ZNF107: variants seen among roughly 807,000 people sequenced by gnomAD.
ZNF107 encodes zinc finger protein 107, also known as C2H2 type zinc-finger protein.
ZNF107 carries 19 observed loss-of-function variants against 12.3 expected under a neutral mutation model. That is an observed-to-expected ratio of 1.55 (90% CI 1.08 to 2.27). The LOEUF (loss-of-function observed/expected upper bound fraction) is 2.27, where lower values mean the gene tolerates loss of function less well. Ranked by LOEUF, ZNF107 falls within the 30% of genes most tolerant of loss-of-function variation. The pLI is 0.00. For synonymous variants in ZNF107, 317 were observed against 330.5 expected (o/e 0.96, Z 0.44); for missense variants, 958 against 979.9 (o/e 0.98, Z 0.30).
intron 1 of ZNF107, chr7:64,687,328 A>G (rs992564566): frequency 1.0e-6 from 1 of 985,314 alleles, no homozygotes; most frequent in African/African-American, 1.7e-5. Flanking sequence ...AGGCTTAAAC[A>G]CTGCACCCAT....
chr7:64,707,069 A>G lies in ZNF107; in HGVS notation c.972A>G (p.Leu324=). Residue 324 remains leucine, a synonymous_variant, in exon 4 of 4, where the codon CTA becomes CTG. Transcript: ENST00000620827. ...KCKECGKAFN[L]FSNLTNHKRI... ...AAGAATGTGGAAAAGCTTTTAACCT[A>G]TTCTCAAATCTTACTAACCATAAGA... The G allele has an allele frequency of 5.0e-6, 8 of 1,611,420 alleles. No individual in the cohort carries two copies. Among genetic ancestry groups the G allele is most frequent in the Non-Finnish European group, 6.8e-6 (8 of 1,179,194 alleles).
In ZNF107 at chr7:64,708,276, C is replaced by T; in HGVS notation, c.2179C>T (p.His727Tyr). The change falls in exon 4 of 4, where the codon CAT becomes TAT. Residue 727 changes from histidine (H) to tyrosine (Y), a missense_variant. Transcript: ENST00000620827. ...AACCCTTAATAGACATAAGATAATT[C>T]ATACTGGAGAGAAACCTTACAAATG... is the stretch of plus-strand genomic sequence containing the variant. Reference protein sequence around the residue: ...SSTLNRHKIIHTGEKPYKCKE... With the variant: ...SSTLNRHKIIYTGEKPYKCKE... 6.2e-7 allele frequency: 1 copy of T among 1,613,570 alleles called. No homozygotes were observed. The highest frequency in any genetic ancestry group is 8.5e-7 in the Non-Finnish European group (1 of 1,179,778).
At chr7:64,700,931 T>C (rs898438285) in intron 3 of ZNF107, among the ~76,000 whole-genome samples, 1 of 152,214 alleles carries the variant, frequency 6.6e-6, no homozygotes, top group African/African-American at 2.4e-5. Flanking sequence ...TTTGCTGTTA[T>C]TGATCTTTTA....
chr7:64,681,665 A>G (rs1160671244), intron 1 of ZNF107, among the ~76,000 whole-genome samples: 2 of 152,030 alleles, frequency 1.3e-5, no homozygotes, highest in East Asian at 1.9e-4. Flanking sequence ...CCAGTATCCT[A>G]TCCCTATGCC....
rs201702231 is a variant in ZNF107, at chr7:64,702,155, A to ATT, written c.227-4159_227-4158dup. On this transcript the variant is annotated intron_variant, in intron 3 of 3. Coordinates refer to ENST00000620827, the MANE Select transcript of ZNF107 (RefSeq NM_001282359.2). ...AACATCTTAAAGTTAAAACAGTTTT[A>ATT]TTTTTTTTTTTGAGACGGAGTCTTG... Among the ~76,000 whole-genome samples, 98 of 149,098 alleles carry ATT rather than the reference A, an allele frequency of 6.6e-4. No individual in the cohort carries two copies. The Middle Eastern group carries it at 0.017, about 26-fold the overall frequency.
At chr7:64,683,277 A>G (rs1789759242) in intron 1 of ZNF107, among the ~76,000 whole-genome samples, 1 of 152,116 alleles carries the variant, frequency 6.6e-6, no homozygotes, top group African/African-American at 2.4e-5. Flanking sequence ...TCCATTATCA[A>G]TGCCTTTCTC....
chr7:64,694,276 G>T (rs533271652), intron 3 of ZNF107, among the ~76,000 whole-genome samples: 5 of 152,360 alleles, frequency 3.3e-5, no homozygotes, highest in Admixed American at 1.3e-4. Context: ...GTGGCTGGGA[G>T]AAGTTTGAGG....
At position 64,698,027 on chromosome 7, in the gene ZNF107, C is replaced by T. The variant is rs182406454; in HGVS notation, c.226+6067C>T. 2.8e-4 allele frequency among the ~76,000 whole-genome samples: 43 copies of T among 152,206 alleles called. No individual in the cohort carries two copies. In the East Asian group the frequency reaches 5.4e-3, roughly 19 times the overall value. On this transcript the variant is annotated intron_variant, in intron 3 of 3. Coordinates refer to ENST00000620827, the MANE Select transcript of ZNF107 (RefSeq NM_001282359.2). ...CAATGGCTGCATTCTTGTTTTTCAC[C>T]AGAAGTCAATATGGGTTTCATTTTT...
chr7:64,705,773 T>A (rs1015691642), intron 3 of ZNF107, among the ~76,000 whole-genome samples: 1 of 151,758 alleles, frequency 6.6e-6, no homozygotes, highest in Non-Finnish European at 1.5e-5. Context: ...CTACAACTGT[T>A]ACCTGTCTGT....
chr7:64,687,704 A>G, intron 1 of ZNF107: 1 of 402,352 alleles, frequency 2.5e-6, no homozygotes, highest in African/African-American at 2.2e-5. Context: ...TGTGCTGTAA[A>G]TTTTTCTACT....
Position 64,707,509 on chromosome 7 carries a change from A to G in ZNF107, c.1412A>G (p.His471Arg), listed in dbSNP as rs558279051. ...AACCAACACTCAAACCTAATTAACC[A>G]TAGGAAAATTTATTCTGGAGAGAAA... ...AFNQHSNLINHRKIYSGEKPY... is the reference protein window; with the variant it reads ...AFNQHSNLINRRKIYSGEKPY... Residue 471 changes from histidine to arginine, a missense_variant, in exon 4 of 4, where the codon CAT (histidine) becomes CGT (arginine). His to Arg is a conservative substitution (Grantham distance 29). Transcript: ENST00000620827. 6 of 1,613,520 alleles carry G rather than the reference A, an allele frequency of 3.7e-6. No individual in the cohort carries two copies. Among genetic ancestry groups the G allele is most frequent in the South Asian group, 2.2e-5 (2 of 91,036 alleles).
At position 64,672,081 on chromosome 7, in the gene ZNF107, C is replaced by T. The variant is rs183857235; in HGVS notation, c.3+5796C>T. Among the ~76,000 whole-genome samples, 387 of 152,182 alleles carry T rather than the reference C, an allele frequency of 2.5e-3. 6 individuals are homozygous for T. The highest frequency in any genetic ancestry group is 0.021 in the Admixed American group (324 of 15,286). On this transcript the variant is annotated intron_variant, in intron 1 of 3. Coordinates refer to ENST00000620827, the MANE Select transcript of ZNF107 (RefSeq NM_001282359.2). ...GATTACAGGAGTGAGCCACCGCGCC[C>T]GGCTGGCGACCCTTTTTGTTCTTTC...
intron 1 of ZNF107, chr7:64,684,491 C>G (rs577334796): frequency 1.2e-6 from 1 of 804,538 alleles, no homozygotes; most frequent in South Asian, 5.7e-5. Flanking sequence ...TGGATTCACC[C>G]TTCCAGAGTA....
Position 64,707,960 on chromosome 7 carries a change from C to A in ZNF107, c.1863C>A (p.Tyr621Ter), listed in dbSNP as rs772902763. Residue 621 changes from tyrosine (Y) to a stop codon, truncating the protein, a stop_gained, in exon 4 of 4, where the codon TAC (tyrosine) becomes TAA (stop). Coordinates refer to ENST00000620827, the MANE Select transcript of ZNF107 (RefSeq NM_001282359.2). LOFTEE classifies it low-confidence loss of function (END_TRUNC). ...TTATTCATACTGGAGAGAAACCCTA[C>A]AAATGTGAAGAACATGGCAAAGTTT... ...HKIIHTGEKP[Y>*]KCEEHGKVFN... 1.2e-6 allele frequency: 2 copies of A among 1,613,430 alleles called. No individual in the cohort carries two copies. Among genetic ancestry groups the A allele is most frequent in the Non-Finnish European group, 1.7e-6 (2 of 1,179,680 alleles).
rs562156100 is a variant in ZNF107, at chr7:64,685,790, A to G, written c.4-5458A>G. Among the ~76,000 whole-genome samples the G allele has an allele frequency of 4.6e-5, 7 of 152,192 alleles. No homozygotes were observed. The East Asian group carries it at 1.4e-3, about 29-fold the overall frequency. On this transcript the variant is annotated intron_variant, in intron 1 of 3. Coordinates refer to ENST00000620827, the MANE Select transcript of ZNF107 (RefSeq NM_001282359.2). ...TCAACCTATGTCTGCCTCACCACTA[A>G]CTGGACAAGCACCTGTACCCTAATC...
intron 1 of ZNF107, among the ~76,000 whole-genome samples, chr7:64,677,678 C>A (rs1789472925): frequency 6.6e-6 from 1 of 150,976 alleles, no homozygotes; most frequent in Non-Finnish European, 1.5e-5. Flanking sequence ...ACGGTGAAAC[C>A]CTGTCTCTAC....
chr7:64,701,978 A>G (rs1478991987), intron 3 of ZNF107, among the ~76,000 whole-genome samples: 1 of 152,004 alleles, frequency 6.6e-6, no homozygotes, highest in Non-Finnish European at 1.5e-5. Context: ...TCATTTTATT[A>G]TTATTGTTTT....
chr7:64,691,402 CA>C, intron 2 of ZNF107, 28 bp downstream of exon 2: 2 of 1,398,210 alleles, frequency 1.4e-6, no homozygotes, highest in Non-Finnish European at 9.3e-7. Flanking sequence ...ACACAATTCC[CA>C]AAATACCCTT....
chr7:64,707,563 C>T lies in ZNF107; in HGVS notation c.1466C>T (p.Ala489Val), dbSNP rs776526234. The change falls in exon 4 of 4, where the codon GCT (alanine) becomes GTT (valine). Residue 489 changes from alanine (A) to valine (V), a missense_variant. Transcript: ENST00000620827. ...TACAAATGTGAAGAATGTGGAAAAG[C>T]TTTTAATCGATCCTCAACCCTTACT... ...KPYKCEECGKAFNRSSTLTRH... is the reference protein window; with the variant it reads ...KPYKCEECGKVFNRSSTLTRH... 6.2e-6 allele frequency: 10 copies of T among 1,612,724 alleles called. 1 individual carries two copies. The Admixed American group carries it at 1.7e-4, about 27-fold the overall frequency.
Sources: gnomAD v4.1 joint callset for allele counts (sites outside exome capture counted in the v4.1 genomes callset) on GRCh38, gnomAD v4.1.1 for gene constraint, MANE v1.5 for transcripts, NCBI Gene and HGNC (gene_info 2026-07-23, HGNC 2026-07-21) for gene names.